ADGRL2: variants seen among roughly 807,000 people sequenced by gnomAD.
The protein encoded by ADGRL2 is adhesion G protein-coupled receptor L2.
ADGRL2 carries 44 observed loss-of-function variants against 157.4 expected under a neutral mutation model. The ratio of observed to expected loss-of-function variants is 0.28; its 90% CI spans 0.22 to 0.36. The LOEUF (loss-of-function observed/expected upper bound fraction) is 0.36. Ranked by LOEUF, ADGRL2 falls within the 10% of genes least tolerant of loss-of-function variation. The pLI, the probability that ADGRL2 is intolerant of heterozygous loss-of-function variation, is 1.00. For synonymous variants in ADGRL2, 585 were observed against 624.7 expected, an observed-to-expected ratio of 0.94 and a Z score of 0.95; for missense variants, 1,510 against 1,768.9, an observed-to-expected ratio of 0.85 and a Z score of 2.63.
At chr1:81,647,500 C>T (rs2082336720) in intron 3 of ADGRL2, among the ~76,000 whole-genome samples, 1 of 152,086 alleles carries the variant, frequency 6.6e-6, no homozygotes, top group African/African-American at 2.4e-5. Context: ...TATTCAGTGT[C>T]CCCAGAGGAA....
At chr1:81,731,841 G>A (rs2084734862) in intron 1 of ADGRL2, among the ~76,000 whole-genome samples, 1 of 152,112 alleles carries the variant, frequency 6.6e-6, no homozygotes, top group Admixed American at 6.6e-5. Flanking sequence ...CAACTCCTGT[G>A]CTCCTGGCAC....
intron 1 of ADGRL2, among the ~76,000 whole-genome samples, chr1:81,723,903 A>T (rs1478159643): frequency 1.3e-5 from 2 of 152,116 alleles, no homozygotes. Flanking sequence ...AATGTTTCAT[A>T]TTATTTCCAC....
intron 2 of ADGRL2, among the ~76,000 whole-genome samples, chr1:81,560,867 C>G (rs1288872084): frequency 6.6e-6 from 1 of 152,130 alleles, no homozygotes; most frequent in African/African-American, 2.4e-5. Context: ...TCTTCTCTGA[C>G]CTGTCCCCCT....
At chr1:81,472,114 T>G (rs2078183892) in intron 2 of ADGRL2, among the ~76,000 whole-genome samples, 1 of 152,144 alleles carries the variant, frequency 6.6e-6, no homozygotes, top group Non-Finnish European at 1.5e-5. Context: ...GAGTCATAAC[T>G]TACTTGAAAA....
chr1:81,792,020 T>C (rs1004361167), intron 2 of ADGRL2, among the ~76,000 whole-genome samples: 1 of 152,252 alleles, frequency 6.6e-6, no homozygotes, highest in East Asian at 1.9e-4. Context: ...TCTTGTTTCC[T>C]TTCCGTGCGT....
In ADGRL2 at chr1:81,943,295, G is replaced by A. The variant is rs1484112964; in HGVS notation, c.736G>A (p.Glu246Lys). The change falls in exon 6 of 24, where the codon GAG (glutamate) becomes AAG (lysine). Residue 246 changes from glutamate (E) to lysine (K), a missense_variant. Transcript: ENST00000686636. This position sits in a 1 kb window ranked among gnomAD's most constrained non-coding sequence, Gnocchi z 5.6. Reference sequence around the variant, plus strand: ...CTTGAGGACTAGAATTAAGAGTGGCGAGGCCATAATTAACTATGCCAACTA... The same window carrying A: ...CTTGAGGACTAGAATTAAGAGTGGCAAGGCCATAATTAACTATGCCAACTA... ...FDLRTRIKSG[E>K]AIINYANYHD... is the part of the protein sequence containing the mutation. The A allele has an allele frequency of 2.5e-6, 4 of 1,613,338 alleles. No individual in the cohort carries two copies. Among genetic ancestry groups the A allele is most frequent in the East Asian group, 2.2e-5 (1 of 44,856 alleles).
At chr1:81,481,928 C>T (rs1011988293) in intron 2 of ADGRL2, among the ~76,000 whole-genome samples, 1 of 152,152 alleles carries the variant, frequency 6.6e-6, no homozygotes, top group African/African-American at 2.4e-5. Context: ...CATAACATAT[C>T]CTTAGACCCT....
chr1:81,403,798 G>GA lies in ADGRL2; in HGVS notation c.-301-41237dup, dbSNP rs2076805163. Among the ~76,000 whole-genome samples, 3 of 113,322 alleles carry GA rather than the reference G, an allele frequency of 2.6e-5. No homozygotes were observed. The South Asian group carries it at 9.0e-4, about 34-fold the overall frequency. The allele number at this position is 113,322 out of a possible 152,430, so 74.3% of individuals were successfully genotyped here. On this transcript the variant is annotated intron_variant, in intron 1 of 24. Transcript: ENST00000370721. ...GGTAGTCAGTAAAGCCAATGTCTTT[G>GA]ATTTTTTTTTTTTTTTTGAGACAGA...
chr1:81,392,138 T>C (rs1360121877), intron 1 of ADGRL2, among the ~76,000 whole-genome samples: 2 of 151,972 alleles, frequency 1.3e-5, no homozygotes, highest in East Asian at 3.9e-4. Flanking sequence ...AAAGGGTGTT[T>C]TGAAATATGG....
chr1:81,591,255 T>C (rs2081127453), intron 3 of ADGRL2, among the ~76,000 whole-genome samples: 1 of 152,186 alleles, frequency 6.6e-6, no homozygotes, highest in African/African-American at 2.4e-5. Context: ...GGGGACAATG[T>C]AGTTGTAAGG....
At chr1:81,747,751 GAGA>G (rs1162684402) in intron 1 of ADGRL2, among the ~76,000 whole-genome samples, 3 of 151,932 alleles carry the variant, frequency 2.0e-5, no homozygotes, top group South Asian at 2.1e-4. Flanking sequence ...GACAGAGAGA[GAGA>G]AGGAGTGAGA....
At chr1:81,822,624 C>G (rs1012342374) in intron 1 of ADGRL2, among the ~76,000 whole-genome samples, 1 of 152,090 alleles carries the variant, frequency 6.6e-6, no homozygotes, top group South Asian at 2.1e-4. Flanking sequence ...GCTATCCTCC[C>G]GCCTCTGCCT....
intron 3 of ADGRL2, among the ~76,000 whole-genome samples, chr1:81,581,415 C>T (rs2080903966): frequency 6.6e-6 from 1 of 152,146 alleles, no homozygotes. Flanking sequence ...GATTCAGCAG[C>T]TCCACTAAAG....
intron 2 of ADGRL2, among the ~76,000 whole-genome samples, chr1:81,450,285 G>A (rs1455501697): frequency 6.6e-6 from 1 of 152,156 alleles, no homozygotes; most frequent in Non-Finnish European, 1.5e-5. Flanking sequence ...GTTTCATTGT[G>A]TTGAAAACCC....
chr1:81,750,929 A>G (rs1407511443), intron 1 of ADGRL2, among the ~76,000 whole-genome samples: 4 of 152,184 alleles, frequency 2.6e-5, no homozygotes, highest in Non-Finnish European at 5.9e-5. Context: ...CCCCAAAACA[A>G]TGGGCACACC....
chr1:81,524,130 G>A (rs188912032), intron 2 of ADGRL2, among the ~76,000 whole-genome samples: 2,000 of 152,204 alleles, frequency 0.013, 40 homozygotes, highest in African/African-American at 0.046. Context: ...GGAGGCCGAG[G>A]CGGTTGGATC....
intron 3 of ADGRL2, among the ~76,000 whole-genome samples, chr1:81,585,075 C>T (rs2080996785): frequency 6.6e-6 from 1 of 152,116 alleles, no homozygotes; most frequent in Admixed American, 6.6e-5. Context: ...CTGCAATCAA[C>T]TGTATTTGTG....
intron 3 of ADGRL2, among the ~76,000 whole-genome samples, chr1:81,641,224 G>A (rs961336607): frequency 2.0e-5 from 3 of 152,170 alleles, no homozygotes; most frequent in Non-Finnish European, 4.4e-5. Context: ...TATAGTTGAA[G>A]ACTTTAACAC....
chr1:81,458,594 T>G (rs1279145195), intron 2 of ADGRL2, among the ~76,000 whole-genome samples: 4 of 152,208 alleles, frequency 2.6e-5, no homozygotes, highest in African/African-American at 4.8e-5. Flanking sequence ...CAGCTTGCAC[T>G]ACTGGCCCAG....
Sources: gnomAD v4.1 joint callset for allele counts (sites outside exome capture counted in the v4.1 genomes callset) on GRCh38, gnomAD v4.1.1 for gene constraint, Gnocchi (gnomAD v3.1) non-coding constraint, MANE v1.5 for transcripts, NCBI Gene and HGNC (gene_info 2026-07-23, HGNC 2026-07-21) for gene names.